Variants in FUBP3 observed in about 807,000 individuals in gnomAD.
The protein encoded by FUBP3 is far upstream element-binding protein 3.
A neutral mutation model predicts 85.6 loss-of-function variants in FUBP3; 28 were observed. The ratio of observed to expected loss-of-function variants is 0.33; its 90% CI spans 0.24 to 0.45. The LOEUF (loss-of-function observed/expected upper bound fraction) is 0.45, where lower values mean the gene tolerates loss of function less well. Among genes scored for constraint, FUBP3 ranks in the 20% least tolerant of loss-of-function variants. FUBP3 has a pLI of 1.00. For missense variants in FUBP3, 583 were observed against 755.1 expected (o/e 0.77, Z 2.67); for synonymous variants, 271 against 271.4 (o/e 1.00, Z 0.01).
chr9:130,583,680 A>G (rs1830223077), intron 1 of FUBP3, among the ~76,000 whole-genome samples: 1 of 152,160 alleles, frequency 6.6e-6, no homozygotes, highest in African/African-American at 2.4e-5. Flanking sequence ...GTAGCTTTAC[A>G]TTGTTGGGAC....
chr9:130,591,769 G>A (rs889271376), intron 1 of FUBP3, among the ~76,000 whole-genome samples: 1 of 152,152 alleles, frequency 6.6e-6, no homozygotes, highest in South Asian at 2.1e-4. Flanking sequence ...AACCTGAAAG[G>A]CTCAGTCACA....
At chr9:130,624,945 C>T (rs990271845) in intron 11 of FUBP3, among the ~76,000 whole-genome samples, 8 of 152,084 alleles carry the variant, frequency 5.3e-5, no homozygotes, top group Non-Finnish European at 8.8e-5. Flanking sequence ...ATTAGCTGGA[C>T]GTGGTGGCTC....
Position 130,599,110 on chromosome 9 carries a change from G to A in FUBP3, c.190+3522G>A, listed in dbSNP as rs184438123. Reference sequence around the variant, plus strand: ...GATTGAGACCATCCTGGCTGACACGGTGAAACCCCGTCTCTACTAAAAATA... The same window carrying A: ...GATTGAGACCATCCTGGCTGACACGATGAAACCCCGTCTCTACTAAAAATA... On this transcript the variant is annotated intron_variant, in intron 2 of 18. Transcript: ENST00000319725. Among the ~76,000 whole-genome samples, 532 of 152,290 alleles carry A rather than the reference G, an allele frequency of 3.5e-3. 1 individual carries two copies. The highest frequency in any genetic ancestry group is 6.3e-3 in the Non-Finnish European group (427 of 68,040).
chr9:130,584,601 G>T (rs538105665), intron 1 of FUBP3, among the ~76,000 whole-genome samples: 2 of 152,152 alleles, frequency 1.3e-5, no homozygotes, highest in Non-Finnish European at 2.9e-5. Context: ...GGGCATGGTG[G>T]CTAATGCCTG....
intron 5 of FUBP3, 130 bp from the exon 6 acceptor site, chr9:130,614,158 C>G (rs80114140): frequency 3.5e-6 from 2 of 571,122 alleles, no homozygotes; most frequent in South Asian, 5.4e-5. Flanking sequence ...TGGAAGCAAA[C>G]TGTCTTTTTC....
At chr9:130,604,247 C>A (rs1449685449) in intron 2 of FUBP3, among the ~76,000 whole-genome samples, 1 of 152,152 alleles carries the variant, frequency 6.6e-6, no homozygotes, top group Non-Finnish European at 1.5e-5. Flanking sequence ...CACCTAAGAT[C>A]ACAGCTAGAA....
chr9:130,630,503 C>T, intron 12 of FUBP3, 125 bp from the exon 13 acceptor site: 1 of 642,224 alleles, frequency 1.6e-6, no homozygotes, highest in Non-Finnish European at 2.5e-6. Context: ...AACTTCTCTA[C>T]TGTCAGGGCA....
At position 130,579,629 on chromosome 9, in the gene FUBP3, A is replaced by AGCGGCGGCG; in HGVS notation, c.-51_-43dup. Reference sequence around the variant, plus strand: ...AGCGGGAGGCCGGACCGGGGAGCCGAGCGGCGGCGTCGGCGGCGTCGGCGG... The same window carrying AGCGGCGGCG: ...AGCGGGAGGCCGGACCGGGGAGCCGAGCGGCGGCGGCGGCGGCGTCGGCGGCGTCGGCGG... On this transcript the variant is annotated 5_prime_UTR_variant, in exon 1 of 19. Coordinates refer to ENST00000319725, the MANE Select transcript of FUBP3 (RefSeq NM_003934.2). The AGCGGCGGCG allele has an allele frequency of 8.9e-7, 1 of 1,121,070 alleles. No homozygotes were observed. The highest frequency in any genetic ancestry group is 1.1e-6 in the Non-Finnish European group (1 of 886,314). The allele number at this position is 1,121,070 out of a possible 1,614,324, so 69.4% of individuals were successfully genotyped here.
chr9:130,630,421 A>G (rs1468334777), intron 12 of FUBP3, among the ~76,000 whole-genome samples: 3 of 152,134 alleles, frequency 2.0e-5, no homozygotes, highest in Non-Finnish European at 4.4e-5. Context: ...GTCCAGCTTC[A>G]CTCCAAACAG....
In FUBP3 at chr9:130,592,195, G is replaced by A. The variant is rs940428647; in HGVS notation, c.85-3288G>A. Among the ~76,000 whole-genome samples the A allele has an allele frequency of 3.9e-5, 6 of 152,318 alleles. No homozygotes were observed. In the East Asian group the frequency reaches 7.7e-4, roughly 20 times the overall value. On this transcript the variant is annotated intron_variant, in intron 1 of 18. Transcript: ENST00000319725. ...TGCAGTGAGCCAAGATTGCGCCACC[G>A]CACTCCAGCCTGGGCAACAGAGCAA...
chr9:130,614,269 T>A lies in FUBP3; in HGVS notation c.347-19T>A. ...CCGGTGCCCACCAACACCCCTCATC[T>A]TCTTGATTCTTCTTATAGAGAGTTC... On this transcript the variant is annotated intron_variant, in intron 5 of 18. Transcript: ENST00000319725. The A allele has an allele frequency of 6.4e-7, 1 of 1,570,598 alleles. No individual in the cohort carries two copies. Among genetic ancestry groups the A allele is most frequent in the Non-Finnish European group, 8.8e-7 (1 of 1,141,480 alleles).
At chr9:130,623,541 A>G in intron 10 of FUBP3, 70 bp from the exon 11 acceptor site, 3 of 981,096 alleles carry the variant, frequency 3.1e-6, no homozygotes, top group South Asian at 1.3e-5. Flanking sequence ...TTGATTGGGA[A>G]TCAGATTAAT....
intron 12 of FUBP3, among the ~76,000 whole-genome samples, chr9:130,627,795 T>G (rs1394031894): frequency 6.6e-6 from 1 of 152,218 alleles, no homozygotes; most frequent in Non-Finnish European, 1.5e-5. Flanking sequence ...CTTGGCCTTT[T>G]GCAAACTATT....
chr9:130,613,713 A>AT (rs1248600314), intron 5 of FUBP3, among the ~76,000 whole-genome samples: 2 of 151,924 alleles, frequency 1.3e-5, no homozygotes, highest in African/African-American at 4.8e-5. Context: ...TTTCTCTTTC[A>AT]TTTTTTTTGA....
chr9:130,626,531 C>G (rs375999727), intron 12 of FUBP3, 26 bp downstream of exon 12: 203 of 1,606,738 alleles, frequency 1.3e-4, no homozygotes, highest in Non-Finnish European at 1.7e-4. Flanking sequence ...GGTTTCACAT[C>G]CCCCCTCAGC....
Position 130,579,629 on chromosome 9 carries a change from A to G in FUBP3, c.-52A>G. 1.8e-6 allele frequency: 2 copies of G among 1,121,068 alleles called. No individual in the cohort carries two copies. The highest frequency in any genetic ancestry group is 2.3e-6 in the Non-Finnish European group (2 of 886,312). The allele number at this position is 1,121,068 out of a possible 1,614,324, so 69.4% of individuals were successfully genotyped here. On this transcript the variant is annotated 5_prime_UTR_variant, in exon 1 of 19. Transcript: ENST00000319725. ...AGCGGGAGGCCGGACCGGGGAGCCGAGCGGCGGCGTCGGCGGCGTCGGCGG... is the reference window on the plus strand; with the variant it reads ...AGCGGGAGGCCGGACCGGGGAGCCGGGCGGCGGCGTCGGCGGCGTCGGCGG...
rs568921262 is a variant in FUBP3, at chr9:130,631,206, G to A, written c.1279-351G>A. ...ATAAAGAAAGGGAGTGTTGATGGAGGACAGATGGGCCACTGCTCACCTCAA... is the reference window on the plus strand; with the variant it reads ...ATAAAGAAAGGGAGTGTTGATGGAGAACAGATGGGCCACTGCTCACCTCAA... On this transcript the variant is annotated intron_variant, in intron 13 of 18. Transcript: ENST00000319725. 77 of 1,205,754 alleles carry A rather than the reference G, an allele frequency of 6.4e-5. 2 individuals carry two copies. The South Asian group carries it at 2.0e-3, about 32-fold the overall frequency. 74.7% of individuals were successfully genotyped at this position (1,205,754 alleles called of 1,614,324 possible). A position where few individuals can be genotyped will look rare whatever the true frequency, so the allele number is the denominator to read the frequency against.
chr9:130,634,607 G>A, intron 16 of FUBP3, 60 bp from the exon 17 acceptor site: 1 of 1,403,434 alleles, frequency 7.1e-7, no homozygotes, highest in Non-Finnish European at 9.9e-7. Flanking sequence ...CAGCTGGCGG[G>A]CTGGGGCCGA....
intron 2 of FUBP3, among the ~76,000 whole-genome samples, chr9:130,601,801 ATTT>A (rs113638192): frequency 5.4e-4 from 63 of 117,370 alleles, no homozygotes; most frequent in African/African-American, 1.9e-3. Context: ...ATAATTCCTA[ATTT>A]TTTTTTTTTT....
Sources: gnomAD v4.1 joint callset for allele counts (sites outside exome capture counted in the v4.1 genomes callset) on GRCh38, gnomAD v4.1.1 for gene constraint, MANE v1.5 for transcripts, NCBI Gene and HGNC (gene_info 2026-07-23, HGNC 2026-07-21) for gene names.